FOXN3: variants seen among roughly 807,000 people sequenced by gnomAD.
FOXN3 encodes the protein forkhead box N3.
FOXN3 carries 7 observed loss-of-function variants against 38.4 expected under a neutral mutation model. That is an observed-to-expected ratio of 0.18 (90% CI 0.10 to 0.34). The LOEUF (loss-of-function observed/expected upper bound fraction) is 0.34. FOXN3 is among the 10% of genes least tolerant of loss of function. The pLI, the probability that FOXN3 is intolerant of heterozygous loss-of-function variation, is 1.00. For synonymous variants in FOXN3, 230 were observed against 242.2 expected (o/e 0.95, Z 0.47); for missense variants, 456 against 613.4 (o/e 0.74, Z 2.71).
chr14:89,452,714 T>C (rs1892637820), intron 1 of FOXN3, among the ~76,000 whole-genome samples: 1 of 151,672 alleles, frequency 6.6e-6, no homozygotes, highest in South Asian at 2.1e-4. Context: ...AGGACAGGGG[T>C]CCAGAGAAGA....
chr14:89,278,162 CG>C (rs1566945021), intron 4 of FOXN3, among the ~76,000 whole-genome samples: 1 of 152,140 alleles, frequency 6.6e-6, no homozygotes, highest in East Asian at 1.9e-4. Flanking sequence ...CACAGTTCCA[CG>C]TGGCTGGAGA....
At chr14:89,251,493 T>C (rs1337558392) in intron 4 of FOXN3, among the ~76,000 whole-genome samples, 1 of 152,224 alleles carries the variant, frequency 6.6e-6, no homozygotes, top group Admixed American at 6.5e-5. Context: ...TATAAACATA[T>C]GTTAACCAAT....
At chr14:89,268,708 T>C (rs1886057093) in intron 4 of FOXN3, among the ~76,000 whole-genome samples, 1 of 152,146 alleles carries the variant, frequency 6.6e-6, no homozygotes, top group Admixed American at 6.5e-5. Context: ...TAGGGTGGAA[T>C]TCTGGCCTGG....
At chr14:89,509,029 CCTCCGCT>C (rs567358537) in intron 1 of FOXN3, among the ~76,000 whole-genome samples, 50 of 152,270 alleles carry the variant, frequency 3.3e-4, no homozygotes, top group African/African-American at 1.2e-3. Context: ...CTACCCCCAG[CCTCCGCT>C]CTACCCCCAC....
At chr14:89,604,417 T>C (rs1896227934) in intron 1 of FOXN3, among the ~76,000 whole-genome samples, 1 of 151,872 alleles carries the variant, frequency 6.6e-6, no homozygotes, top group Non-Finnish European at 1.5e-5. Context: ...AGGGAACGAG[T>C]ATATAAGAAT....
chr14:89,589,822 A>G (rs535914994), intron 1 of FOXN3, among the ~76,000 whole-genome samples: 41 of 152,290 alleles, frequency 2.7e-4, no homozygotes, highest in African/African-American at 8.9e-4. Context: ...TCACATCACA[A>G]AGCTCCAAAG....
chr14:89,222,422 T>C (rs1256583685), intron 4 of FOXN3, among the ~76,000 whole-genome samples: 1 of 152,160 alleles, frequency 6.6e-6, no homozygotes, highest in Non-Finnish European at 1.5e-5. Context: ...TACAAAAAAA[T>C]GTAAATCCAG....
intron 1 of FOXN3, among the ~76,000 whole-genome samples, chr14:89,427,322 T>TTTC (rs1285488318): frequency 4.5e-5 from 6 of 131,908 alleles, no homozygotes; most frequent in African/African-American, 1.4e-4. Context: ...TTTTTTTTTT[T>TTTC]TGAGATGGAG....
intron 2 of FOXN3, among the ~76,000 whole-genome samples, chr14:89,376,785 G>A (rs1055000794): frequency 2.0e-5 from 3 of 151,798 alleles, no homozygotes; most frequent in Admixed American, 1.3e-4. Flanking sequence ...AGGCTGAAGC[G>A]GGTAGATCAC....
At chr14:89,187,238 A>G (rs942532355) in intron 4 of FOXN3, among the ~76,000 whole-genome samples, 1 of 152,186 alleles carries the variant, frequency 6.6e-6, no homozygotes, top group Non-Finnish European at 1.5e-5. Flanking sequence ...AGAGGTGAAA[A>G]CAAGGGGCTA....
At chr14:89,350,218 G>T (rs1310040333) in intron 3 of FOXN3, 1 of 152,596 alleles carries the variant, frequency 6.6e-6, no homozygotes, top group Non-Finnish European at 1.5e-5. Flanking sequence ...ACAACAAAAT[G>T]GTCACCTGGG....
intron 3 of FOXN3, among the ~76,000 whole-genome samples, chr14:89,325,313 CGA>C (rs1888035824): frequency 7.9e-6 from 1 of 126,128 alleles, no homozygotes; most frequent in African/African-American, 3.3e-5. Context: ...ACCACCACCA[CGA>C]CCACCACCAC....
At chr14:89,228,833 T>TA (rs1056463901) in intron 4 of FOXN3, among the ~76,000 whole-genome samples, 16 of 152,166 alleles carry the variant, frequency 1.1e-4, no homozygotes, top group Non-Finnish European at 2.1e-4. Context: ...AACAAACAAA[T>TA]AAAAAACTGT....
chr14:89,304,944 TAAAAA>T (rs200830937), intron 3 of FOXN3, among the ~76,000 whole-genome samples: 2 of 133,610 alleles, frequency 1.5e-5, no homozygotes, highest in African/African-American at 2.8e-5. Context: ...TGTAGTTTCT[TAAAAA>T]AAAAAAAAAA....
chr14:89,363,958 A>AT (rs1566968850), intron 2 of FOXN3, among the ~76,000 whole-genome samples: 2 of 4,258 alleles, frequency 4.7e-4, no homozygotes, highest in African/African-American at 6.7e-4. Context: ...ATATATATAT[A>AT]TATATATATA....
chr14:89,303,998 A>G (rs1887298702), intron 3 of FOXN3, among the ~76,000 whole-genome samples: 1 of 152,236 alleles, frequency 6.6e-6, no homozygotes, highest in Non-Finnish European at 1.5e-5. Context: ...GCAGCAGTCC[A>G]TAAATGATCC....
At chr14:89,336,137 T>TACACTAACAC (rs1888446369) in intron 3 of FOXN3, among the ~76,000 whole-genome samples, 1 of 140,020 alleles carries the variant, frequency 7.1e-6, no homozygotes, top group East Asian at 2.1e-4. Context: ...AAGTGATCCT[T>TACACTAACAC]ACACACACAC....
intron 1 of FOXN3, among the ~76,000 whole-genome samples, chr14:89,524,267 G>A (rs1398034683): frequency 2.1e-5 from 3 of 145,700 alleles, no homozygotes; most frequent in East Asian, 2.0e-4. Flanking sequence ...CCAGCTACTC[G>A]GGAGGCTGAG....
intron 1 of FOXN3, among the ~76,000 whole-genome samples, chr14:89,426,336 C>T (rs1892027859): frequency 1.3e-5 from 2 of 149,452 alleles, no homozygotes; most frequent in Non-Finnish European, 1.5e-5. Context: ...GTGATTATCC[C>T]TGCCTCAGCC....
Sources: allele counts gnomAD v4.1 joint callset (sites outside exome capture counted in the v4.1 genomes callset), GRCh38; gene constraint gnomAD v4.1.1; transcripts MANE v1.5; gene names NCBI Gene and HGNC (gene_info 2026-07-23, HGNC 2026-07-21).